Variants in DMD observed in about 807,000 individuals in gnomAD.
DMD encodes the protein dystrophin.
In DMD, 63 loss-of-function variants were observed where a neutral mutation model predicts 330.1. The observed-to-expected ratio is 0.19, with a 90% confidence interval of 0.16 to 0.24. The LOEUF is 0.24. DMD is among the 10% of genes least tolerant of loss of function. The probability of loss-of-function intolerance (pLI) is 1.00; values close to 1 mark genes in which losing one functional copy is unlikely to be tolerated. For missense variants in DMD, 3,344 were observed against 2,684.1 expected, an observed-to-expected ratio of 1.25 and a Z score of -5.43; for synonymous variants, 1,223 against 959.8, an observed-to-expected ratio of 1.27 and a Z score of -5.07.
chrX:31,371,066 A>G (rs989909972), intron 60 of DMD, among the ~76,000 whole-genome samples: 3 of 110,706 alleles, frequency 2.7e-5, no homozygotes, highest in African/African-American at 9.8e-5. Context: ...GGCCAATAGG[A>G]GGGATCTTTG....
chrX:31,427,281 C>T (rs1358102701), intron 60 of DMD, among the ~76,000 whole-genome samples: 1 of 111,003 alleles, frequency 9.0e-6, no homozygotes, highest in African/African-American at 3.3e-5. Context: ...TTTTCTTTAC[C>T]TCTTGGAACC....
intron 6 of DMD, among the ~76,000 whole-genome samples, chrX:32,811,070 C>T (rs1389663478): frequency 1.8e-5 from 2 of 109,760 alleles, no homozygotes; most frequent in African/African-American, 6.7e-5. Flanking sequence ...CCTTGGCTCA[C>T]ACCTGTAAAC....
At chrX:31,645,054 T>C (rs2080004017) in intron 54 of DMD, among the ~76,000 whole-genome samples, 1 of 111,966 alleles carries the variant, frequency 8.9e-6, no homozygotes. Flanking sequence ...TCCATTCTAT[T>C]AGAATGTTGA....
chrX:32,226,515 T>C (rs1019370277), intron 43 of DMD, among the ~76,000 whole-genome samples: 2 of 111,929 alleles, frequency 1.8e-5, no homozygotes, highest in Non-Finnish European at 3.8e-5. Context: ...AGGAAGATGT[T>C]TTATGCACCT....
chrX:32,658,420 A>C (rs182408873), intron 9 of DMD, among the ~76,000 whole-genome samples: 1 of 111,153 alleles, frequency 9.0e-6, no homozygotes, highest in African/African-American at 3.3e-5. Flanking sequence ...GATGCCCCCA[A>C]CTCAGCTCTG....
rs6653859 is a variant in DMD at position 31,854,850 on chromosome X, G to T, written c.7099-18031C>A. ...ATTATTTCTTGTCGGGAGCTACCCT[G>T]TGTACTGCAGGGTGTTTTGCAGCAT... On this transcript the variant is annotated intron_variant, in intron 48 of 78. Transcript: ENST00000357033. 7.4e-3 allele frequency among the ~76,000 whole-genome samples: 829 copies of T among 111,423 alleles called. 8 individuals carry two copies. The highest frequency in any genetic ancestry group is 0.026 in the African/African-American group (787 of 30,678).
intron 62 of DMD, chrX:31,266,983 G>GGGGGCGCTGCGGGCAGAC (rs2051214330): frequency 1.1e-6 from 1 of 915,243 alleles, no homozygotes; most frequent in African/African-American, 2.1e-5. Context: ...GGGCCGGGGA[G>GGGGGCGCTGCGGGCAGAC]GGGGCGCTGC....
At chrX:31,183,835 A>G (rs183587940) in intron 67 of DMD, among the ~76,000 whole-genome samples, 2 of 105,658 alleles carry the variant, frequency 1.9e-5, no homozygotes, top group East Asian at 5.9e-4. Context: ...TGCATTTCTC[A>G]AGCTCTGTTT....
At chrX:31,339,934 A>C (rs924341821) in intron 61 of DMD, among the ~76,000 whole-genome samples, 5 of 112,590 alleles carry the variant, frequency 4.4e-5, no homozygotes, top group African/African-American at 1.3e-4. Context: ...TCATATTTCA[A>C]ATTGTCTGTC....
chrX:32,173,087 G>GTC (rs1387453652), intron 44 of DMD, among the ~76,000 whole-genome samples: 3 of 107,710 alleles, frequency 2.8e-5, no homozygotes, highest in Non-Finnish European at 5.8e-5. Flanking sequence ...GTGTGTGTGT[G>GTC]TGTGTGTGTG....
At chrX:31,648,870 T>C (rs921965207) in intron 54 of DMD, among the ~76,000 whole-genome samples, 7 of 109,716 alleles carry the variant, frequency 6.4e-5, no homozygotes, top group Non-Finnish European at 9.5e-5. Flanking sequence ...ACTATAAGAT[T>C]TCTAGAATTG....
intron 7 of DMD, among the ~76,000 whole-genome samples, chrX:32,789,135 C>A (rs983454780): frequency 6.2e-5 from 7 of 112,090 alleles, no homozygotes; most frequent in African/African-American, 2.3e-4. Context: ...TGAAGAGAGA[C>A]AACTGTGCAG....
intron 61 of DMD, among the ~76,000 whole-genome samples, chrX:31,330,178 T>C (rs2057035655): frequency 9.4e-6 from 1 of 106,442 alleles, no homozygotes; most frequent in South Asian, 4.2e-4. Flanking sequence ...ATGCATATTT[T>C]TGCATATAAT....
intron 61 of DMD, among the ~76,000 whole-genome samples, chrX:31,330,076 A>G (rs1037383148): frequency 9.1e-6 from 1 of 109,394 alleles, no homozygotes; most frequent in Non-Finnish European, 1.9e-5. Context: ...TTTTGTAGGT[A>G]ATGAATATGT....
chrX:33,219,102 C>G (rs1343352083), intron 1 of DMD, among the ~76,000 whole-genome samples: 1 of 111,381 alleles, frequency 9.0e-6, no homozygotes, highest in Non-Finnish European at 1.9e-5. Context: ...TGACTACTAT[C>G]TTTTTGCATT....
In DMD at chrX:31,449,791, T is replaced by TTG. The variant is rs2065579204; in HGVS notation, c.8938-5165_8938-5164insCA. Among the ~76,000 whole-genome samples the TTG allele has an allele frequency of 4.5e-5, 4 of 88,261 alleles. No individual in the cohort carries two copies. In the East Asian group the frequency reaches 1.4e-3, roughly 32 times the overall value. The allele number at this position is 88,261 out of a possible 115,157, so 76.6% of individuals were successfully genotyped here. On this transcript the variant is annotated intron_variant, in intron 59 of 78. Transcript: ENST00000357033. ...ATATATATATATATATATATATATATATATATAGATAGATAGATAGATAGA... is the reference window on the plus strand; with the variant it reads ...ATATATATATATATATATATATATATTGATATATAGATAGATAGATAGATAGA...
intron 2 of DMD, among the ~76,000 whole-genome samples, chrX:32,879,040 A>AAACAAAC (rs2083654715): frequency 3.2e-5 from 3 of 93,443 alleles, no homozygotes; most frequent in African/African-American, 1.2e-4. Context: ...AACAAACAAA[A>AAACAAAC]AAAAAACAAC....
chrX:33,262,009 G>C (rs6628790), intron 1 of DMD, among the ~76,000 whole-genome samples: 4,246 of 109,056 alleles, frequency 0.039, 221 homozygotes, highest in African/African-American at 0.13. Context: ...TTCTCATATA[G>C]ATGTCTGAAG....
chrX:31,208,594 G>A (rs903442790), intron 65 of DMD, among the ~76,000 whole-genome samples: 1 of 111,382 alleles, frequency 9.0e-6, no homozygotes, highest in African/African-American at 3.3e-5. Flanking sequence ...ATTTTAAAAA[G>A]CAATACCTTA....
Sources: allele counts gnomAD v4.1 joint callset (sites outside exome capture counted in the v4.1 genomes callset), GRCh38; gene constraint gnomAD v4.1.1; transcripts MANE v1.5; gene names NCBI Gene and HGNC (gene_info 2026-07-23, HGNC 2026-07-21).